Variants in GALNT13 observed in about 807,000 individuals in gnomAD.
GALNT13 encodes the protein UDP-GalNAc:polypeptide N-acetylgalactosaminyltransferase 13.
Under a neutral mutation model 64.2 loss-of-function variants are expected in GALNT13, and 28 were observed. That is an observed-to-expected ratio of 0.44 (90% CI 0.32 to 0.60). The LOEUF (loss-of-function observed/expected upper bound fraction) is 0.60. Among genes scored for constraint, GALNT13 ranks in the 20% least tolerant of loss-of-function variants. The pLI, the probability that GALNT13 is intolerant of heterozygous loss-of-function variation, is 0.05. For synonymous variants in GALNT13, 214 were observed against 224.6 expected (o/e 0.95, Z 0.42); for missense variants, 577 against 669.8 (o/e 0.86, Z 1.53).
the GALNT13 span, among the ~76,000 whole-genome samples, chr2:153,378,327 T>C: frequency 2.0e-5 from 3 of 151,968 alleles, no homozygotes; most frequent in Non-Finnish European, 4.4e-5. Flanking sequence ...TTTTTTTTAG[T>C]AAATGCTAGT....
the GALNT13 span, among the ~76,000 whole-genome samples, chr2:153,111,326 A>G: frequency 3.0e-3 from 458 of 152,202 alleles, 2 homozygotes; most frequent in African/African-American, 0.011. Flanking sequence ...TGTTGTTTTC[A>G]TTTTAAAAAA....
intron 4 of GALNT13, among the ~76,000 whole-genome samples, chr2:154,188,501 A>G (rs962092953): frequency 1.1e-4 from 16 of 152,212 alleles, no homozygotes; most frequent in Admixed American, 4.6e-4. Flanking sequence ...AGCTGAGGAA[A>G]ACAAAACACA....
the GALNT13 span, among the ~76,000 whole-genome samples, chr2:153,691,672 T>C: frequency 6.6e-6 from 1 of 152,088 alleles, no homozygotes; most frequent in Non-Finnish European, 1.5e-5. Flanking sequence ...ATTTGTTATC[T>C]GAAAACCACA....
chr2:153,626,804 G>C, the GALNT13 span, among the ~76,000 whole-genome samples: 1 of 152,058 alleles, frequency 6.6e-6, no homozygotes, highest in Non-Finnish European at 1.5e-5. Context: ...ACTCTATGAT[G>C]CCTGCAAAAC....
chr2:154,193,931 C>T (rs1416329110), intron 4 of GALNT13, among the ~76,000 whole-genome samples: 1 of 152,108 alleles, frequency 6.6e-6, no homozygotes, highest in African/African-American at 2.4e-5. Context: ...TGTGTTAATT[C>T]CTGTAAACCA....
intron 4 of GALNT13, among the ~76,000 whole-genome samples, chr2:154,206,593 G>A (rs1687470453): frequency 6.6e-6 from 1 of 151,970 alleles, no homozygotes; most frequent in East Asian, 2.0e-4. Flanking sequence ...GCAGGAGTTC[G>A]AGACCAGCCT....
chr2:154,311,794 C>T lies in GALNT13; in HGVS notation c.1156+10205C>T, dbSNP rs550388908. On this transcript the variant is annotated intron_variant, in intron 9 of 12. Coordinates refer to ENST00000392825, the MANE Select transcript of GALNT13 (RefSeq NM_052917.4). Reference sequence around the variant, plus strand: ...CAGTTCAGAGACCTACCCCTAGGTGCGCATTCTCTTTCTCAGGGACGTTCC... The same window carrying T: ...CAGTTCAGAGACCTACCCCTAGGTGTGCATTCTCTTTCTCAGGGACGTTCC... 4.4e-3 allele frequency among the ~76,000 whole-genome samples: 658 copies of T among 148,024 alleles called. 5 individuals are homozygous for T. Among genetic ancestry groups the T allele is most frequent in the African/African-American group, 0.016 (619 of 37,658 alleles).
At chr2:154,296,327 ATTC>A (rs1368073877) in intron 8 of GALNT13, among the ~76,000 whole-genome samples, 14 of 152,198 alleles carry the variant, frequency 9.2e-5, no homozygotes, top group Admixed American at 9.2e-4. Context: ...CTCTGAACAC[ATTC>A]TTCTCTGCTC....
chr2:154,154,723 G>C (rs550842503), intron 4 of GALNT13, among the ~76,000 whole-genome samples: 1 of 152,184 alleles, frequency 6.6e-6, no homozygotes, highest in African/African-American at 2.4e-5. Flanking sequence ...GCATGCGGTT[G>C]AATTTTCAAC....
At chr2:153,347,999 C>T in the GALNT13 span, among the ~76,000 whole-genome samples, 1 of 152,160 alleles carries the variant, frequency 6.6e-6, no homozygotes, top group African/African-American at 2.4e-5. Flanking sequence ...AAGCAGTGCT[C>T]AGTCTTGACC....
At chr2:153,738,724 T>C in the GALNT13 span, among the ~76,000 whole-genome samples, 1 of 151,970 alleles carries the variant, frequency 6.6e-6, no homozygotes, top group African/African-American at 2.4e-5. Flanking sequence ...ACATATGCAA[T>C]AGAGTTTTTG....
At chr2:153,634,269 C>T in the GALNT13 span, among the ~76,000 whole-genome samples, 5 of 152,056 alleles carry the variant, frequency 3.3e-5, no homozygotes, top group African/African-American at 1.2e-4. Context: ...GAACTCTTAC[C>T]TTTTATGTAA....
intron 9 of GALNT13, among the ~76,000 whole-genome samples, chr2:154,361,470 A>G (rs1697063776): frequency 6.6e-6 from 1 of 152,116 alleles, no homozygotes; most frequent in Admixed American, 6.6e-5. Flanking sequence ...AATATTTGGA[A>G]TCAGACTGTC....
chr2:153,468,835 G>A, the GALNT13 span, among the ~76,000 whole-genome samples: 14 of 152,132 alleles, frequency 9.2e-5, no homozygotes, highest in East Asian at 1.9e-4. Context: ...GTACTGGGTC[G>A]TAGTAAGAAC....
At chr2:153,201,420 C>G in the GALNT13 span, among the ~76,000 whole-genome samples, 1 of 152,208 alleles carries the variant, frequency 6.6e-6, no homozygotes, top group Non-Finnish European at 1.5e-5. Flanking sequence ...TTCCTTCCCT[C>G]CCTGCCAAGC....
the GALNT13 span, among the ~76,000 whole-genome samples, chr2:153,151,977 T>C: frequency 8.1e-4 from 123 of 152,062 alleles, 1 homozygote; most frequent in South Asian, 0.012. Context: ...ACTTAAAGTA[T>C]AATAATAATA....
the GALNT13 span, among the ~76,000 whole-genome samples, chr2:153,330,103 T>C: frequency 1.3e-5 from 2 of 152,228 alleles, no homozygotes; most frequent in African/African-American, 4.8e-5. Context: ...AAGCTTTAAT[T>C]CTATTTTCTC....
At chr2:153,136,065 C>T in the GALNT13 span, among the ~76,000 whole-genome samples, 13 of 152,126 alleles carry the variant, frequency 8.5e-5, no homozygotes, top group African/African-American at 3.1e-4. Context: ...TTATTGAAAG[C>T]TGAATTTACA....
At chr2:154,411,041 G>A (rs539909425) in intron 11 of GALNT13, among the ~76,000 whole-genome samples, 89 of 151,904 alleles carry the variant, frequency 5.9e-4, no homozygotes, top group African/African-American at 2.0e-3. Flanking sequence ...AGCACCTAAC[G>A]AATACTAGGC....
Sources: allele counts gnomAD v4.1 joint callset (sites outside exome capture counted in the v4.1 genomes callset), GRCh38; gene constraint gnomAD v4.1.1; transcripts MANE v1.5; gene names NCBI Gene and HGNC (gene_info 2026-07-23, HGNC 2026-07-21).